Variants in FAM120A observed in about 807,000 individuals in gnomAD.
FAM120A encodes family with sequence similarity 120 member A.
In FAM120A, 15 loss-of-function variants were observed where a neutral mutation model predicts 109.7. The observed-to-expected ratio is 0.14, with a 90% CI of 0.09 to 0.21. The LOEUF (loss-of-function observed/expected upper bound fraction) is 0.21. FAM120A is among the 10% of genes least tolerant of loss of function. FAM120A has a pLI of 1.00. For missense variants in FAM120A, 899 were observed against 1,439.3 expected (o/e 0.62, Z 6.07); for synonymous variants, 493 against 572.8 (o/e 0.86, Z 1.99).
In FAM120A at chr9:93,498,942, T is replaced by A; in HGVS notation, c.1030+56T>A. ...GACCATATGATAATCCAAGTAGGTT[T>A]AAATATTCACCATATAATCTTGTAG... is the stretch of plus-strand genomic sequence containing the variant. On this transcript the variant is annotated intron_variant, in intron 5 of 17. Transcript: ENST00000277165. The surrounding 1 kb of genome is among the most constrained non-coding windows in gnomAD (Gnocchi z 4.4). 1 of 1,052,208 alleles carries A rather than the reference T, an allele frequency of 9.5e-7. No homozygotes were observed. The highest frequency in any genetic ancestry group is 1.5e-6 in the Non-Finnish European group (1 of 674,060). The allele number at this position is 1,052,208 out of a possible 1,614,324, so 65.2% of individuals were successfully genotyped here.
intron 11 of FAM120A, among the ~76,000 whole-genome samples, chr9:93,547,171 A>T (rs2131532292): frequency 2.0e-5 from 3 of 152,256 alleles, no homozygotes; most frequent in Admixed American, 2.0e-4. Context: ...CTTTTTGGGG[A>T]TGCAGCATGG....
At chr9:93,477,532 C>CT (rs775555050) in intron 3 of FAM120A, among the ~76,000 whole-genome samples, 24 of 152,208 alleles carry the variant, frequency 1.6e-4, no homozygotes, top group Non-Finnish European at 2.8e-4. Flanking sequence ...CATTCGGACT[C>CT]TAAGCTTCTG....
chr9:93,506,608 T>C (rs1260894441), intron 5 of FAM120A, among the ~76,000 whole-genome samples: 2 of 152,012 alleles, frequency 1.3e-5, no homozygotes, highest in African/African-American at 4.8e-5. Context: ...TCTTTTTTTT[T>C]TGTTTTCAAG....
chr9:93,469,288 C>T (rs1433133446), intron 1 of FAM120A, among the ~76,000 whole-genome samples: 1 of 152,216 alleles, frequency 6.6e-6, no homozygotes, highest in Non-Finnish European at 1.5e-5. Flanking sequence ...CTTTTAGCCT[C>T]TGTTTTAGTT....
In FAM120A at chr9:93,452,450, C is replaced by T. The variant is rs913392014; in HGVS notation, c.474+61C>T. The T allele has an allele frequency of 6.4e-7, 1 of 1,555,512 alleles. No homozygotes were observed. Among genetic ancestry groups the T allele is most frequent in the African/African-American group, 1.4e-5 (1 of 73,554 alleles). ...GCCGCGCCGCACCCCTATCCCCCTT[C>T]CCAGGGCGCAGAATGTCGCCCGGCC... On this transcript the variant is annotated intron_variant, in intron 1 of 17. Transcript: ENST00000277165. This position sits in a 1 kb window ranked among gnomAD's most constrained non-coding sequence, Gnocchi z 7.0.
chr9:93,479,699 T>A (rs1858712649), intron 3 of FAM120A, among the ~76,000 whole-genome samples: 1 of 152,260 alleles, frequency 6.6e-6, no homozygotes, highest in African/African-American at 2.4e-5. Flanking sequence ...TTGGCAGCAC[T>A]ATGAATTTTT....
chr9:93,478,685 A>G (rs780777675), intron 3 of FAM120A, among the ~76,000 whole-genome samples: 1 of 152,150 alleles, frequency 6.6e-6, no homozygotes, highest in African/African-American at 2.4e-5. Flanking sequence ...CATGTTGTCC[A>G]TATTCGTCTC....
At chr9:93,502,230 A>C (rs1214944237) in intron 5 of FAM120A, among the ~76,000 whole-genome samples, 1 of 151,958 alleles carries the variant, frequency 6.6e-6, no homozygotes, top group Non-Finnish European at 1.5e-5. Flanking sequence ...TAGAGTTTTG[A>C]AGAAATTTTA....
chr9:93,507,637 G>C (rs1377931679), intron 5 of FAM120A, among the ~76,000 whole-genome samples: 3 of 152,134 alleles, frequency 2.0e-5, no homozygotes, highest in Non-Finnish European at 2.9e-5. Flanking sequence ...GAGTGGCTCA[G>C]CGAGGCCAGG....
rs1431122673 is a variant in FAM120A, at chr9:93,452,589, T to C, written c.474+200T>C. 10 of 1,597,988 alleles carry C rather than the reference T, an allele frequency of 6.3e-6. No individual in the cohort carries two copies. The South Asian group carries it at 1.1e-4, about 18-fold the overall frequency. ...AGGCCGCGCGCTGCCCAAGCCCGTCTCCAGCTGTCCCTGTTCGGGGTCCGC... is the reference window on the plus strand; with the variant it reads ...AGGCCGCGCGCTGCCCAAGCCCGTCCCCAGCTGTCCCTGTTCGGGGTCCGC... On this transcript the variant is annotated intron_variant, in intron 1 of 17. Coordinates refer to ENST00000277165, the MANE Select transcript of FAM120A (RefSeq NM_014612.5). The surrounding 1 kb of genome is among the most constrained non-coding windows in gnomAD (Gnocchi z 7.0).
chr9:93,476,434 A>G (rs1191652549), intron 3 of FAM120A, 96 bp downstream of exon 3: 9 of 815,764 alleles, frequency 1.1e-5, no homozygotes, highest in Non-Finnish European at 1.8e-5. Context: ...TGGTGATGCT[A>G]CAAAGTTAGC....
chr9:93,563,239 A>G (rs547098379), intron 17 of FAM120A, among the ~76,000 whole-genome samples: 1 of 152,330 alleles, frequency 6.6e-6, no homozygotes, highest in African/African-American at 2.4e-5. Context: ...GCTGGAAGGT[A>G]CCACCATCTT....
chr9:93,541,455 C>T (rs1284131685), intron 10 of FAM120A, among the ~76,000 whole-genome samples: 1 of 152,186 alleles, frequency 6.6e-6, no homozygotes, highest in Non-Finnish European at 1.5e-5. Context: ...TTAGATTGTG[C>T]GTCCAACGAC....
At chr9:93,539,639 C>T (rs894090348) in intron 10 of FAM120A, among the ~76,000 whole-genome samples, 1 of 152,216 alleles carries the variant, frequency 6.6e-6, no homozygotes, top group Non-Finnish European at 1.5e-5. Flanking sequence ...TGGGCAAGCC[C>T]ACATACCCCC....
intron 14 of FAM120A, among the ~76,000 whole-genome samples, chr9:93,558,278 T>C (rs1366518654): frequency 6.6e-6 from 1 of 152,198 alleles, no homozygotes; most frequent in African/African-American, 2.4e-5. Context: ...TATATTTGTT[T>C]CTCATGTGTA....
intron 5 of FAM120A, among the ~76,000 whole-genome samples, chr9:93,504,780 A>G (rs1260477407): frequency 1.3e-5 from 2 of 152,146 alleles, no homozygotes; most frequent in Non-Finnish European, 2.9e-5. Flanking sequence ...TGTGCCCAGG[A>G]GTGGAATTCC....
chr9:93,519,079 C>G (rs1369071027), intron 7 of FAM120A, among the ~76,000 whole-genome samples: 1 of 152,082 alleles, frequency 6.6e-6, no homozygotes, highest in Non-Finnish European at 1.5e-5. Flanking sequence ...CTGGAGAGAC[C>G]CTGGTGTTTC....
chr9:93,491,290 G>A (rs1463905337), intron 3 of FAM120A, among the ~76,000 whole-genome samples: 1 of 152,204 alleles, frequency 6.6e-6, no homozygotes, highest in Non-Finnish European at 1.5e-5. Context: ...ACAAGAAATT[G>A]TAATGGGTGA....
intron 1 of FAM120A, among the ~76,000 whole-genome samples, chr9:93,464,565 A>G (rs1857931044): frequency 6.6e-6 from 1 of 152,214 alleles, no homozygotes; most frequent in African/African-American, 2.4e-5. Context: ...TCACTTCACA[A>G]GAGCTGAAGC....
Sources: allele counts gnomAD v4.1 joint callset (sites outside exome capture counted in the v4.1 genomes callset), GRCh38; gene constraint gnomAD v4.1.1; non-coding constraint Gnocchi (gnomAD v3.1); transcripts MANE v1.5; gene names NCBI Gene and HGNC (gene_info 2026-07-23, HGNC 2026-07-21).